Variants in GDA observed in about 807,000 individuals in gnomAD.
The protein encoded by GDA is cytoplasmic PSD-95 interactor.
Under a neutral mutation model 59.6 loss-of-function variants are expected in GDA, and 18 were observed. The observed-to-expected ratio is 0.30, with a 90% CI of 0.21 to 0.45. The LOEUF (loss-of-function observed/expected upper bound fraction) is 0.45, where lower values mean the gene tolerates loss of function less well. Ranked by LOEUF, GDA falls within the 20% of genes least tolerant of loss-of-function variation. The pLI is 1.00. For synonymous variants in GDA, 201 were observed against 201.1 expected, an observed-to-expected ratio of 1.00 and a Z score of 0.00; for missense variants, 427 against 552.3, an observed-to-expected ratio of 0.77 and a Z score of 2.27.
At chr9:72,202,492 T>C in intron 2 of GDA, 79 bp from the exon 3 acceptor site, 1 of 965,568 alleles carries the variant, frequency 1.0e-6, no homozygotes, top group East Asian at 2.5e-5. Flanking sequence ...AAATCATGCT[T>C]GGGAAAAAAT....
intron 1 of GDA, among the ~76,000 whole-genome samples, chr9:72,137,492 C>CGCCTCA (rs1564153168): frequency 6.6e-6 from 1 of 151,834 alleles, no homozygotes; most frequent in Non-Finnish European, 1.5e-5. Context: ...GTGATGTGCC[C>CGCCTCA]GCCTCAGCCT....
chr9:72,241,879 G>A (rs1457360469), intron 11 of GDA, among the ~76,000 whole-genome samples: 3 of 152,174 alleles, frequency 2.0e-5, no homozygotes. Context: ...GGGCAACAGA[G>A]TGAGACCTTG....
At chr9:72,248,207 A>G (rs749652391) in intron 13 of GDA, 65 bp from the exon 14 acceptor site, 107 of 1,107,952 alleles carry the variant, frequency 9.7e-5, no homozygotes, top group Non-Finnish European at 1.3e-4. Flanking sequence ...ATCTCTCCCA[A>G]TGGCAAGGAA....
intron 11 of GDA, among the ~76,000 whole-genome samples, chr9:72,243,080 T>A (rs1184853308): frequency 6.6e-6 from 1 of 152,230 alleles, no homozygotes; most frequent in Non-Finnish European, 1.5e-5. Flanking sequence ...TGAATGGATC[T>A]GTATTTAAAG....
Position 72,223,082 on chromosome 9 carries a change from G to A in GDA, c.607-38G>A, listed in dbSNP as rs752844222. On this transcript the variant is annotated intron_variant, in intron 6 of 13. Transcript: ENST00000358399. ...TCTTGAGTTAATTTTTGTATATGATGTAAGGAAGAGGTATCAATTGTTTTT... is the reference window on the plus strand; with the variant it reads ...TCTTGAGTTAATTTTTGTATATGATATAAGGAAGAGGTATCAATTGTTTTT... 8 of 1,004,184 alleles carry A rather than the reference G, an allele frequency of 8.0e-6. No homozygotes were observed. In the South Asian group the frequency reaches 1.1e-4, roughly 13 times the overall value. The allele number at this position is 1,004,184 out of a possible 1,614,324, so 62.2% of individuals were successfully genotyped here.
chr9:72,225,760 T>G lies in GDA; in HGVS notation c.798T>G (p.Asp266Glu), dbSNP rs1272226659. 1 of 1,436,482 alleles carries G rather than the reference T, an allele frequency of 7.0e-7. No individual in the cohort carries two copies. The highest frequency in any genetic ancestry group is 9.7e-7 in the Non-Finnish European group (1 of 1,031,054). The allele number at this position is 1,436,482 out of a possible 1,614,324, so 89.0% of individuals were successfully genotyped here. A position where few individuals can be genotyped will look rare whatever the true frequency, so the allele number is the denominator to read the frequency against. The change falls in exon 8 of 14, where the codon GAT becomes GAG. Residue 266 changes from aspartate (D) to glutamate (E), a missense_variant. Transcript: ENST00000358399. ...PSYKNYTSVY[D>E]KNNLLTNKTV... Reference sequence around the variant, plus strand: ...ATAAAAACTACACATCTGTGTATGATAAAAACAATCTTTTGACAAATAAGG... The same window carrying G: ...ATAAAAACTACACATCTGTGTATGAGAAAAACAATCTTTTGACAAATAAGG...
chr9:72,212,596 A>G (rs187050274), intron 4 of GDA, among the ~76,000 whole-genome samples: 3 of 152,176 alleles, frequency 2.0e-5, no homozygotes, highest in Non-Finnish European at 4.4e-5. Flanking sequence ...AACACTGTAC[A>G]TATATAGGTT....
At chr9:72,210,414 G>C (rs986193807) in intron 3 of GDA, among the ~76,000 whole-genome samples, 2 of 152,144 alleles carry the variant, frequency 1.3e-5, no homozygotes, top group African/African-American at 4.8e-5. Context: ...ACAATCCTAA[G>C]AAAGAAGGAA....
At chr9:72,150,666 GTCAAGTTGAAGATAC>G (rs1827098773) in intron 1 of GDA, among the ~76,000 whole-genome samples, 1 of 152,210 alleles carries the variant, frequency 6.6e-6, no homozygotes, top group Non-Finnish European at 1.5e-5. Context: ...CTTGTGATTT[GTCAAGTTGAAGATAC>G]TATTCTTGAC....
chr9:72,204,541 A>C (rs979348522), intron 3 of GDA, among the ~76,000 whole-genome samples: 3 of 152,230 alleles, frequency 2.0e-5, no homozygotes, highest in Non-Finnish European at 4.4e-5. Context: ...TGAAATTTAC[A>C]CTGCTTTTAT....
intron 3 of GDA, 104 bp downstream of exon 3, chr9:72,202,846 G>A: frequency 1.2e-6 from 1 of 854,664 alleles, no homozygotes; most frequent in Non-Finnish European, 1.8e-6. Context: ...TTAAGCCTAA[G>A]ATGGGCCATA....
chr9:72,143,851 G>A (rs1008942250), intron 1 of GDA, among the ~76,000 whole-genome samples: 1 of 152,070 alleles, frequency 6.6e-6, no homozygotes, highest in Non-Finnish European at 1.5e-5. Flanking sequence ...AGTGAGATAC[G>A]GTATTTTTAA....
At chr9:72,238,704 G>A (rs1196044550) in intron 10 of GDA, among the ~76,000 whole-genome samples, 2 of 152,138 alleles carry the variant, frequency 1.3e-5, no homozygotes, top group African/African-American at 4.8e-5. Flanking sequence ...TGGCTCTGAC[G>A]AGCAAGTAAT....
At chr9:72,215,999 G>A (rs1346639698) in intron 5 of GDA, among the ~76,000 whole-genome samples, 1 of 152,210 alleles carries the variant, frequency 6.6e-6, no homozygotes. Context: ...CCACTTGCAT[G>A]AATCTGGTGA....
At chr9:72,192,829 G>A (rs1267157255) in intron 1 of GDA, among the ~76,000 whole-genome samples, 5 of 151,974 alleles carry the variant, frequency 3.3e-5, no homozygotes, top group African/African-American at 9.6e-5. Context: ...GCAGTGAGCC[G>A]AGATGGTGCC....
At position 72,250,943 on chromosome 9, in the gene GDA, A is replaced by C; in HGVS notation, c.*2601A>C. 2.7e-5 allele frequency: 24 copies of C among 894,308 alleles called. No homozygotes were observed. Among genetic ancestry groups the C allele is most frequent in the Non-Finnish European group, 4.2e-5 (24 of 571,418 alleles). 55.4% of individuals were successfully genotyped at this position (894,308 alleles called of 1,614,324 possible). ...TCAGCTAAGGTAAATTTCATTTTCA[A>C]ACGAGAGGGAAACATGGGAAGTAAA... On this transcript the variant is annotated 3_prime_UTR_variant, in exon 14 of 14. Transcript: ENST00000358399.
chr9:72,132,615 G>T (rs931066760), intron 1 of GDA, among the ~76,000 whole-genome samples: 1 of 152,134 alleles, frequency 6.6e-6, no homozygotes, highest in East Asian at 1.9e-4. Flanking sequence ...TCAGTCAAGA[G>T]GATGCTGTTG....
chr9:72,149,621 C>A lies in GDA; in HGVS notation c.62C>A (p.Thr21Asn), dbSNP rs529918149. The change falls in exon 1 of 14, where the codon ACC becomes AAC. Residue 21 changes from threonine to asparagine, a missense_variant. Thr to Asn is a moderately conservative substitution (Grantham distance 65, BLOSUM62 0). Coordinates refer to ENST00000358399, the MANE Select transcript of GDA (RefSeq NM_004293.5). ...HIFRGTFVHS[T>N]WTCPMEVLRD... ...TTCCGAGGGACGTTCGTCCACTCCA[C>A]CTGGACCTGCCCCATGGAGGTGCTG... 35 of 1,611,300 alleles carry A rather than the reference C, an allele frequency of 2.2e-5. 1 individual carries two copies. In the South Asian group the frequency reaches 3.7e-4, roughly 17 times the overall value.
In GDA at chr9:72,230,501, A is replaced by ATAT. The variant is rs113206356; in HGVS notation, c.921-613_921-612insTAT. Among the ~76,000 whole-genome samples, 8 of 144,026 alleles carry ATAT rather than the reference A, an allele frequency of 5.6e-5. No individual in the cohort carries two copies. The East Asian group carries it at 8.0e-4, about 14-fold the overall frequency. 94.5% of individuals were successfully genotyped at this position (144,026 alleles called of 152,430 possible). On this transcript the variant is annotated intron_variant, in intron 9 of 13. Transcript: ENST00000358399. ...GACAGACTCTGTCTCAAAAAAAAAAAATATATATATATATATATATGGCTG... is the reference window on the plus strand; with the variant it reads ...GACAGACTCTGTCTCAAAAAAAAAAATATATATATATATATATATATATGGCTG...
Sources: allele counts gnomAD v4.1 joint callset (sites outside exome capture counted in the v4.1 genomes callset), GRCh38; gene constraint gnomAD v4.1.1; transcripts MANE v1.5; gene names NCBI Gene and HGNC (gene_info 2026-07-23, HGNC 2026-07-21).